GALNTL6: variants seen among roughly 807,000 people sequenced by gnomAD.
The protein encoded by GALNTL6 is polypeptide N-acetylgalactosaminyltransferase like 6, also known as polypeptide N-acetylgalactosaminyltransferase-like 6.
In GALNTL6, 46 loss-of-function variants were observed where a neutral mutation model predicts 73.7. That is an observed-to-expected ratio of 0.62 (90% confidence interval 0.49 to 0.80). The LOEUF (loss-of-function observed/expected upper bound fraction) is 0.80. Ranked by LOEUF, GALNTL6 falls within the 30% of genes least tolerant of loss-of-function variation. The probability of loss-of-function intolerance (pLI) is 0.00; values close to 1 mark genes in which losing one functional copy is unlikely to be tolerated. For synonymous variants in GALNTL6, 259 were observed against 263.7 expected (o/e 0.98, Z 0.17); for missense variants, 604 against 755.0 (o/e 0.80, Z 2.34).
At chr4:172,483,147 C>G (rs1490523603) in intron 5 of GALNTL6, among the ~76,000 whole-genome samples, 1 of 152,036 alleles carries the variant, frequency 6.6e-6, no homozygotes, top group Admixed American at 6.6e-5. Context: ...TACTAAATGT[C>G]TTGGAGTCTG....
Position 172,822,548 on chromosome 4 carries a change from G to A in GALNTL6, c.923+8825G>A, listed in dbSNP as rs140503435. Among the ~76,000 whole-genome samples the A allele has an allele frequency of 9.7e-4, 148 of 152,146 alleles. 5 individuals are homozygous for A. The East Asian group carries it at 0.02, about 20-fold the overall frequency. ...TCCTCTGTGTTTCTTTGGTAACATC[G>A]CCTCTTAAATTTTGGACTTCTGATC... On this transcript the variant is annotated intron_variant, in intron 7 of 12. Coordinates refer to ENST00000506823, the MANE Select transcript of GALNTL6 (RefSeq NM_001034845.3).
intron 2 of GALNTL6, among the ~76,000 whole-genome samples, chr4:172,103,995 C>G (rs1244320472): frequency 1.3e-5 from 2 of 150,690 alleles, no homozygotes; most frequent in African/African-American, 2.4e-5. Flanking sequence ...CCAGGCTGGG[C>G]TGCAGTGGTG....
At chr4:172,544,074 C>G (rs554751441) in intron 5 of GALNTL6, among the ~76,000 whole-genome samples, 31 of 152,154 alleles carry the variant, frequency 2.0e-4, no homozygotes, top group Non-Finnish European at 3.1e-4. Flanking sequence ...TTTCTTAGTT[C>G]CAATAAGCTG....
chr4:172,912,559 G>C (rs1176654170), intron 8 of GALNTL6, among the ~76,000 whole-genome samples: 1 of 152,210 alleles, frequency 6.6e-6, no homozygotes, highest in Non-Finnish European at 1.5e-5. Context: ...GGCACACCAG[G>C]AGATTATATC....
At chr4:172,374,190 G>T (rs1742937920) in intron 5 of GALNTL6, among the ~76,000 whole-genome samples, 1 of 152,204 alleles carries the variant, frequency 6.6e-6, no homozygotes, top group Non-Finnish European at 1.5e-5. Flanking sequence ...GCCCTACTGG[G>T]TGATTAGCCT....
At chr4:172,049,662 T>G (rs148736236) in intron 2 of GALNTL6, among the ~76,000 whole-genome samples, 2,397 of 152,256 alleles carry the variant, frequency 0.016, 69 homozygotes, top group African/African-American at 0.054. Context: ...TCTTGCCAAG[T>G]CAAGGTAATG....
intron 3 of GALNTL6, among the ~76,000 whole-genome samples, chr4:172,271,961 T>TATA (rs1310229684): frequency 2.1e-5 from 3 of 145,004 alleles, no homozygotes; most frequent in Non-Finnish European, 4.4e-5. Context: ...ATATATATAT[T>TATA]TTTTTTTATG....
intron 5 of GALNTL6, among the ~76,000 whole-genome samples, chr4:172,401,085 ATTCTC>A (rs1744018011): frequency 6.6e-6 from 1 of 152,088 alleles, no homozygotes; most frequent in African/African-American, 2.4e-5. Flanking sequence ...TGCTCGGGTA[ATTCTC>A]TTCTCCTTTT....
chr4:172,290,036 A>G (rs898951811), intron 3 of GALNTL6, among the ~76,000 whole-genome samples: 5 of 152,104 alleles, frequency 3.3e-5, no homozygotes, highest in Non-Finnish European at 7.4e-5. Flanking sequence ...TCTTTTTCCT[A>G]TTTGGCCCTT....
At chr4:172,159,658 G>A (rs1402149980) in intron 2 of GALNTL6, among the ~76,000 whole-genome samples, 1 of 152,148 alleles carries the variant, frequency 6.6e-6, no homozygotes, top group Non-Finnish European at 1.5e-5. Context: ...AATGAACAAG[G>A]CTGGAGTTTT....
At chr4:172,249,174 A>T (rs1403843171) in intron 3 of GALNTL6, among the ~76,000 whole-genome samples, 2 of 152,194 alleles carry the variant, frequency 1.3e-5, no homozygotes, top group Non-Finnish European at 2.9e-5. Context: ...TGAACAATGA[A>T]GTCCAGGCTG....
intron 7 of GALNTL6, among the ~76,000 whole-genome samples, chr4:172,871,591 G>GGA (rs1553997697): frequency 1.7e-5 from 2 of 114,592 alleles, no homozygotes; most frequent in Middle Eastern, 3.9e-3. Flanking sequence ...CTGACTCTGG[G>GGA]GGGGGTGTGT....
intron 7 of GALNTL6, among the ~76,000 whole-genome samples, chr4:172,869,568 T>A (rs1331246707): frequency 6.6e-6 from 1 of 152,220 alleles, no homozygotes; most frequent in East Asian, 1.9e-4. Flanking sequence ...GGTTCCCAAG[T>A]CTGGGCTCCT....
chr4:172,376,633 A>G (rs1353486493), intron 5 of GALNTL6, among the ~76,000 whole-genome samples: 1 of 152,234 alleles, frequency 6.6e-6, no homozygotes, highest in Admixed American at 6.5e-5. Flanking sequence ...CTAAGAAAAA[A>G]TAGGACAGAA....
intron 2 of GALNTL6, among the ~76,000 whole-genome samples, chr4:171,988,100 AAGC>A (rs996156795): frequency 1.3e-5 from 2 of 152,168 alleles, no homozygotes; most frequent in Non-Finnish European, 2.9e-5. Context: ...AAAACTATTA[AAGC>A]AGCAGCAGCC....
At chr4:172,019,016 A>G (rs1416115635) in intron 2 of GALNTL6, among the ~76,000 whole-genome samples, 3 of 152,096 alleles carry the variant, frequency 2.0e-5, no homozygotes, top group African/African-American at 7.2e-5. Flanking sequence ...GGATTTTCAG[A>G]TTCCCCAGTG....
At chr4:172,332,499 C>T (rs1741165764) in intron 4 of GALNTL6, among the ~76,000 whole-genome samples, 1 of 150,364 alleles carries the variant, frequency 6.7e-6, no homozygotes, top group African/African-American at 2.4e-5. Context: ...ATCTACTTTA[C>T]ACTCTCTATT....
rs117128997 is a variant in GALNTL6 at position 172,004,276 on chromosome 4, G to T, written c.138+189558G>T. On this transcript the variant is annotated intron_variant, in intron 2 of 12. Coordinates refer to ENST00000506823, the MANE Select transcript of GALNTL6 (RefSeq NM_001034845.3). ...GTCTTCCTTTTCTGATGGGTGAGAA[G>T]GGAGGGAACCTTTCAGAAAGAGTGA... 5.3e-3 allele frequency among the ~76,000 whole-genome samples: 806 copies of T among 152,240 alleles called. 7 individuals carry two copies. The highest frequency in any genetic ancestry group is 0.038 in the East Asian group (195 of 5,182).
chr4:172,025,732 G>A (rs1055065679), intron 2 of GALNTL6, among the ~76,000 whole-genome samples: 1 of 151,852 alleles, frequency 6.6e-6, no homozygotes, highest in Non-Finnish European at 1.5e-5. Flanking sequence ...ATTGGGCTTT[G>A]GAACTTTGAT....
Sources: gnomAD v4.1 joint callset for allele counts (sites outside exome capture counted in the v4.1 genomes callset) on GRCh38, gnomAD v4.1.1 for gene constraint, MANE v1.5 for transcripts, NCBI Gene and HGNC (gene_info 2026-07-23, HGNC 2026-07-21) for gene names.